ADAM10: variants seen among roughly 807,000 people sequenced by gnomAD.
ADAM10 encodes disintegrin and metalloproteinase domain-containing protein 10.
In ADAM10, 17 loss-of-function variants were observed where a neutral mutation model predicts 90.1. The observed-to-expected ratio is 0.19, with a 90% CI of 0.13 to 0.28. The LOEUF is 0.28. Among genes scored for constraint, ADAM10 ranks in the 10% least tolerant of loss-of-function variants. ADAM10 has a pLI of 1.00. For synonymous variants in ADAM10, 310 were observed against 298.6 expected (o/e 1.04, Z -0.40); for missense variants, 610 against 914.3 (o/e 0.67, Z 4.29).
intron 10 of ADAM10, among the ~76,000 whole-genome samples, chr15:58,624,879 T>A (rs1895892642): frequency 2.0e-5 from 3 of 152,186 alleles, no homozygotes; most frequent in Admixed American, 6.5e-5. Context: ...ACACATTTTG[T>A]TATAATTTAA....
In ADAM10 at chr15:58,698,727, G is replaced by A. The variant is rs79459534; in HGVS notation, c.207-16413C>T. ...AAAAGAAAGAATTTCACAACTTTAAGACAGGTATTTTGAAATAATCCAATA... is the reference window on the plus strand; with the variant it reads ...AAAAGAAAGAATTTCACAACTTTAAAACAGGTATTTTGAAATAATCCAATA... On this transcript the variant is annotated intron_variant, in intron 2 of 15. Coordinates refer to ENST00000260408, the MANE Select transcript of ADAM10 (RefSeq NM_001110.4). Among the ~76,000 whole-genome samples, 849 of 151,948 alleles carry A rather than the reference G, an allele frequency of 5.6e-3. 8 individuals carry two copies. The highest frequency in any genetic ancestry group is 0.018 in the African/African-American group (729 of 41,460).
intron 7 of ADAM10, among the ~76,000 whole-genome samples, chr15:58,642,026 C>T (rs1896429810): frequency 6.6e-6 from 1 of 152,182 alleles, no homozygotes. Context: ...CAATCAGTTA[C>T]GGCCATTTAA....
chr15:58,611,180 C>A, intron 12 of ADAM10, 73 bp from the exon 13 acceptor site: 1 of 1,037,144 alleles, frequency 9.6e-7, no homozygotes, highest in South Asian at 1.3e-5. Flanking sequence ...AACAGACAGG[C>A]AAGTATGAGC....
intron 4 of ADAM10, among the ~76,000 whole-genome samples, chr15:58,675,442 A>G (rs1479382607): frequency 6.6e-6 from 1 of 152,224 alleles, no homozygotes; most frequent in Non-Finnish European, 1.5e-5. Context: ...ATAGTCAGAT[A>G]TTCCTAAAAC....
intron 11 of ADAM10, 98 bp from the exon 12 acceptor site, chr15:58,612,089 C>G: frequency 8.3e-7 from 1 of 1,207,204 alleles, no homozygotes; most frequent in South Asian, 1.3e-5. Flanking sequence ...GACATAGTAC[C>G]AATTTTTAAA....
At chr15:58,607,523 T>C (rs1337742153) in intron 14 of ADAM10, among the ~76,000 whole-genome samples, 1 of 152,244 alleles carries the variant, frequency 6.6e-6, no homozygotes, top group Non-Finnish European at 1.5e-5. Flanking sequence ...GAACATCTAA[T>C]GGAACTAGTG....
chr15:58,655,711 GTATATATATATATATA>G (rs1174017303), intron 5 of ADAM10, among the ~76,000 whole-genome samples: 2 of 53,734 alleles, frequency 3.7e-5, no homozygotes, highest in Non-Finnish European at 6.5e-5. Flanking sequence ...TATATATATA[GTATATATATATATATA>G]TATATATATA....
chr15:58,594,631 T>A lies in ADAM10; in HGVS notation c.*2916A>T, dbSNP rs1480546179. 1 of 152,208 alleles carries A rather than the reference T, an allele frequency of 6.6e-6. No homozygotes were observed. Among genetic ancestry groups the A allele is most frequent in the Non-Finnish European group, 1.5e-5 (1 of 68,034 alleles). 9.4% of individuals were successfully genotyped at this position (152,208 alleles called of 1,614,324 possible). A position where few individuals can be genotyped will look rare whatever the true frequency, so the allele number is the denominator to read the frequency against. On this transcript the variant is annotated 3_prime_UTR_variant, in exon 16 of 16. Transcript: ENST00000260408. ...AATCCAGAAGCAGTCAATAAATTTATTTTATTTCTGATTTTGTTTGTGAAT... is the reference window on the plus strand; with the variant it reads ...AATCCAGAAGCAGTCAATAAATTTAATTTATTTCTGATTTTGTTTGTGAAT...
At chr15:58,664,696 AT>A (rs1897040150) in intron 5 of ADAM10, among the ~76,000 whole-genome samples, 1 of 152,142 alleles carries the variant, frequency 6.6e-6, no homozygotes. Flanking sequence ...AAGTCCTGAG[AT>A]TTTTATTAAC....
At chr15:58,684,594 C>A in intron 2 of ADAM10, among the ~76,000 whole-genome samples, 1 of 152,230 alleles carries the variant, frequency 6.6e-6, no homozygotes, top group East Asian at 1.9e-4. Context: ...AGAGAGCGCA[C>A]AGAAACTCTG....
In ADAM10 at chr15:58,593,282, C is replaced by T. The variant is rs558009575; in HGVS notation, c.*4265G>A. Reference sequence around the variant, plus strand: ...GCAGCCTCTGCCTCCTGGGTTCAAGCAAATCTCCTGCCTCTGCCTCCCGGG... The same window carrying T: ...GCAGCCTCTGCCTCCTGGGTTCAAGTAAATCTCCTGCCTCTGCCTCCCGGG... On this transcript the variant is annotated 3_prime_UTR_variant, in exon 16 of 16. Transcript: ENST00000260408. The T allele has an allele frequency of 3.4e-5, 5 of 147,832 alleles. No homozygotes were observed. In the Admixed American group the frequency reaches 3.5e-4, roughly 10 times the overall value. The allele number at this position is 147,832 out of a possible 1,614,324, so 9.2% of individuals were successfully genotyped here.
At position 58,611,040 on chromosome 15, in the gene ADAM10, T is replaced by C. The variant is rs749047316; in HGVS notation, c.1763A>G (p.Lys588Arg). Residue 588 changes from lysine to arginine, a missense_variant, in exon 13 of 16, where the codon AAA becomes AGA. Lys to Arg is a conservative substitution (Grantham distance 26). Coordinates refer to ENST00000260408, the MANE Select transcript of ADAM10 (RefSeq NM_001110.4). Reference protein sequence around the residue: ...EECTCASSDGKDDKELCHVCC... With the variant: ...EECTCASSDGRDDKELCHVCC... The stretch of plus-strand genomic sequence containing the variant: ...TACATGGCATAATTCTTTATCATCT[T>C]TGCCATCAGAACTGGCACACGTACA... 3 of 1,613,736 alleles carry C rather than the reference T, an allele frequency of 1.9e-6. No individual in the cohort carries two copies. Among genetic ancestry groups the C allele is most frequent in the South Asian group, 2.2e-5 (2 of 91,088 alleles).
In ADAM10 at chr15:58,698,082, G is replaced by A. The variant is rs148385272; in HGVS notation, c.207-15768C>T. On this transcript the variant is annotated intron_variant, in intron 2 of 15. Coordinates refer to ENST00000260408, the MANE Select transcript of ADAM10 (RefSeq NM_001110.4). ...AAGAAGTGACTGTTATACCATATGC[G>A]CAATAAGGACCCAAGAAACATGATA... Among the ~76,000 whole-genome samples, 6 of 152,006 alleles carry A rather than the reference G, an allele frequency of 3.9e-5. No individual in the cohort carries two copies. In the East Asian group the frequency reaches 9.6e-4, roughly 24 times the overall value.
rs1894804067 is a variant in ADAM10, at chr15:58,590,562, G to GT, written c.*6984dup. The GT allele has an allele frequency of 6.6e-6, 1 of 152,164 alleles. No individual in the cohort carries two copies. The allele number at this position is 152,164 out of a possible 1,614,324, so 9.4% of individuals were successfully genotyped here. On this transcript the variant is annotated 3_prime_UTR_variant, in exon 16 of 16. Transcript: ENST00000260408. ...GGAAAGGAGGAGAAAGAGGAAAATG[G>GT]TTAACAGGTCACTTCACTTAATTAC...
At chr15:58,692,408 T>C (rs535617169) in intron 2 of ADAM10, 37 of 564,922 alleles carry the variant, frequency 6.5e-5, no homozygotes, top group Non-Finnish European at 1.2e-4. Flanking sequence ...TTTGTTTTCT[T>C]CTTATTATTC....
chr15:58,614,981 C>T (rs1207380232), intron 11 of ADAM10, among the ~76,000 whole-genome samples: 1 of 151,968 alleles, frequency 6.6e-6, no homozygotes, highest in Non-Finnish European at 1.5e-5. Context: ...CAAAACAAAA[C>T]AAAACAAAAA....
At position 58,595,422 on chromosome 15, in the gene ADAM10, T is replaced by A. The variant is rs778229155; in HGVS notation, c.*2125A>T. On this transcript the variant is annotated 3_prime_UTR_variant, in exon 16 of 16. Coordinates refer to ENST00000260408, the MANE Select transcript of ADAM10 (RefSeq NM_001110.4). ...ATTTAATCGTCTATTTATTAATGCATTTCAAGTTTCAAAAAACCTTACATC... is the reference window on the plus strand; with the variant it reads ...ATTTAATCGTCTATTTATTAATGCAATTCAAGTTTCAAAAAACCTTACATC... The A allele has an allele frequency of 1.3e-5, 2 of 152,188 alleles. No individual in the cohort carries two copies. Among genetic ancestry groups the A allele is most frequent in the African/African-American group, 2.4e-5 (1 of 41,462 alleles). The allele number at this position is 152,188 out of a possible 1,614,324, so 9.4% of individuals were successfully genotyped here.
At chr15:58,664,674 T>C (rs1044128493) in intron 5 of ADAM10, among the ~76,000 whole-genome samples, 1 of 152,078 alleles carries the variant, frequency 6.6e-6, no homozygotes, top group African/African-American at 2.4e-5. Context: ...AAAAAAATAA[T>C]TAAAATACGA....
chr15:58,671,427 C>T (rs1897187412), intron 4 of ADAM10, among the ~76,000 whole-genome samples: 1 of 152,190 alleles, frequency 6.6e-6, no homozygotes, highest in African/African-American at 2.4e-5. Flanking sequence ...CTCAGGCACT[C>T]TTATAAGGTC....
Sources: allele counts gnomAD v4.1 joint callset (sites outside exome capture counted in the v4.1 genomes callset), GRCh38; gene constraint gnomAD v4.1.1; transcripts MANE v1.5; gene names NCBI Gene and HGNC (gene_info 2026-07-23, HGNC 2026-07-21).